Variants in PLCL1 observed in about 807,000 individuals in gnomAD.
PLCL1 encodes inactive phospholipase C-like protein 1.
Under a neutral mutation model 84.4 loss-of-function variants are expected in PLCL1, and 41 were observed. That is an observed-to-expected ratio of 0.49 (90% CI 0.38 to 0.63). The LOEUF is 0.63. Ranked by LOEUF, PLCL1 falls within the 30% of genes least tolerant of loss-of-function variation. The pLI, the probability that PLCL1 is intolerant of heterozygous loss-of-function variation, is 0.00. For synonymous variants in PLCL1, 490 were observed against 488.3 expected, an observed-to-expected ratio of 1.00 and a Z score of -0.05; for missense variants, 1,206 against 1,367.8, an observed-to-expected ratio of 0.88 and a Z score of 1.87.
intron 1 of PLCL1, among the ~76,000 whole-genome samples, chr2:197,965,407 T>C (rs1235554453): frequency 2.0e-5 from 3 of 152,244 alleles, no homozygotes; most frequent in African/African-American, 7.2e-5. Flanking sequence ...GGTTGTCATA[T>C]CTCCTTTAAC....
Position 197,943,197 on chromosome 2 carries a change from A to AC in PLCL1, c.240+137858_240+137859insC, listed in dbSNP as rs1491553811. Among the ~76,000 whole-genome samples, 5 of 21,718 alleles carry AC rather than the reference A, an allele frequency of 2.3e-4. No homozygotes were observed. The South Asian group carries it at 3.7e-3, about 16-fold the overall frequency. 14.2% of individuals were successfully genotyped at this position (21,718 alleles called of 152,430 possible). A position where few individuals can be genotyped will look rare whatever the true frequency, so the allele number is the denominator to read the frequency against. ...GAGTGACAGAGTGAGACCCTCTCTC[A>AC]AAAAAAAAAAAAAAAAAAAAATCAG... On this transcript the variant is annotated intron_variant, in intron 1 of 5. Transcript: ENST00000428675.
At chr2:198,058,696 A>C (rs1019629789) in intron 1 of PLCL1, among the ~76,000 whole-genome samples, 6 of 152,064 alleles carry the variant, frequency 3.9e-5, no homozygotes, top group African/African-American at 1.2e-4. Flanking sequence ...TCTAAAAGAT[A>C]GCTGTTTTAC....
At chr2:198,102,962 C>G (rs1261221379) in intron 4 of PLCL1, among the ~76,000 whole-genome samples, 1 of 151,972 alleles carries the variant, frequency 6.6e-6, no homozygotes, top group Non-Finnish European at 1.5e-5. Flanking sequence ...TCTTCAAGCT[C>G]GAGCAGATGG....
At chr2:197,814,076 A>G (rs574313855) in intron 1 of PLCL1, among the ~76,000 whole-genome samples, 2 of 152,330 alleles carry the variant, frequency 1.3e-5, no homozygotes, top group African/African-American at 4.8e-5. Context: ...TTAATATTGC[A>G]TTCCATTTTC....
chr2:197,872,934 GATC>G (rs1212492823), intron 1 of PLCL1, among the ~76,000 whole-genome samples: 1 of 152,012 alleles, frequency 6.6e-6, no homozygotes, highest in African/African-American at 2.4e-5. Flanking sequence ...GATCTTATTT[GATC>G]ATCATGGCAT....
rs548635843 is a variant in PLCL1, at chr2:197,897,098, C to A, written c.240+91759C>A. ...TACCTTTGGGGATAGAAGTATGACTCCTTCTTCTTCTTCTTCTTCTTCTTC... is the reference window on the plus strand; with the variant it reads ...TACCTTTGGGGATAGAAGTATGACTACTTCTTCTTCTTCTTCTTCTTCTTC... On this transcript the variant is annotated intron_variant, in intron 1 of 5. Coordinates refer to ENST00000428675, the MANE Select transcript of PLCL1 (RefSeq NM_006226.4). Among the ~76,000 whole-genome samples the A allele has an allele frequency of 9.3e-5, 11 of 117,878 alleles. No homozygotes were observed. In the South Asian group the frequency reaches 2.1e-3, roughly 23 times the overall value. The allele number at this position is 117,878 out of a possible 152,430, so 77.3% of individuals were successfully genotyped here.
At chr2:197,965,256 C>T (rs1473566387) in intron 1 of PLCL1, among the ~76,000 whole-genome samples, 4 of 152,046 alleles carry the variant, frequency 2.6e-5, no homozygotes, top group Non-Finnish European at 5.9e-5. Context: ...CTAATCTCTT[C>T]AGGGTTTGGA....
At chr2:198,039,493 G>A (rs1352556004) in intron 1 of PLCL1, among the ~76,000 whole-genome samples, 1 of 152,044 alleles carries the variant, frequency 6.6e-6, no homozygotes, top group African/African-American at 2.4e-5. Flanking sequence ...CTGTCTCTTG[G>A]TATACCCATG....
At chr2:198,058,168 A>G (rs1692110504) in intron 1 of PLCL1, among the ~76,000 whole-genome samples, 1 of 152,114 alleles carries the variant, frequency 6.6e-6, no homozygotes, top group African/African-American at 2.4e-5. Flanking sequence ...CTGGAAAGAT[A>G]TTTGCCAAAA....
intron 1 of PLCL1, among the ~76,000 whole-genome samples, chr2:198,055,562 A>G (rs1172721747): frequency 6.8e-6 from 1 of 148,142 alleles, no homozygotes; most frequent in Non-Finnish European, 1.5e-5. Flanking sequence ...GTTTAGTTGG[A>G]GAAAACCGTT....
At chr2:198,137,032 T>C (rs1010441182) in intron 5 of PLCL1, among the ~76,000 whole-genome samples, 4 of 152,212 alleles carry the variant, frequency 2.6e-5, no homozygotes, top group Non-Finnish European at 5.9e-5. Flanking sequence ...TATCAAGAAA[T>C]TCTTTTATAA....
chr2:198,118,854 AAGTTTTG>A (rs1693804917), intron 5 of PLCL1, among the ~76,000 whole-genome samples: 1 of 152,012 alleles, frequency 6.6e-6, no homozygotes, highest in South Asian at 2.1e-4. Flanking sequence ...GTTCTCCATG[AAGTTTTG>A]AGTGCCTTTA....
intron 1 of PLCL1, among the ~76,000 whole-genome samples, chr2:198,075,965 T>C (rs1692568384): frequency 6.6e-6 from 1 of 152,230 alleles, no homozygotes; most frequent in Non-Finnish European, 1.5e-5. Context: ...ATTGGATGTG[T>C]ATAATAAGAA....
At chr2:198,108,332 C>G (rs1268337923) in intron 5 of PLCL1, among the ~76,000 whole-genome samples, 1 of 151,802 alleles carries the variant, frequency 6.6e-6, no homozygotes, top group Non-Finnish European at 1.5e-5. Flanking sequence ...GACTAGTATT[C>G]CCTACTATCT....
At chr2:197,961,441 A>G (rs1689620377) in intron 1 of PLCL1, among the ~76,000 whole-genome samples, 1 of 151,946 alleles carries the variant, frequency 6.6e-6, no homozygotes, top group Non-Finnish European at 1.5e-5. Context: ...TTTTGAATAG[A>G]TTTATAGCTT....
chr2:198,003,032 A>G (rs1690642595), intron 1 of PLCL1, among the ~76,000 whole-genome samples: 1 of 152,110 alleles, frequency 6.6e-6, no homozygotes, highest in African/African-American at 2.4e-5. Flanking sequence ...ATTGGTCCCT[A>G]AGGAGTAGAT....
intron 1 of PLCL1, among the ~76,000 whole-genome samples, chr2:197,955,771 C>CT (rs942137192): frequency 2.8e-4 from 42 of 151,428 alleles, no homozygotes; most frequent in African/African-American, 1.0e-3. Context: ...ACCACATTTT[C>CT]TTTTTTTTCC....
chr2:198,079,279 T>C (rs1265410104), intron 1 of PLCL1, among the ~76,000 whole-genome samples: 1 of 151,418 alleles, frequency 6.6e-6, no homozygotes, highest in African/African-American at 2.4e-5. Context: ...AATATTTTAA[T>C]ACAATTATTA....
At chr2:198,111,641 C>A (rs1693624918) in intron 5 of PLCL1, among the ~76,000 whole-genome samples, 1 of 151,728 alleles carries the variant, frequency 6.6e-6, no homozygotes, top group Non-Finnish European at 1.5e-5. Flanking sequence ...TTAAGGATAA[C>A]CCTGTAAATT....
Sources: allele counts gnomAD v4.1 joint callset (sites outside exome capture counted in the v4.1 genomes callset), GRCh38; gene constraint gnomAD v4.1.1; transcripts MANE v1.5; gene names NCBI Gene and HGNC (gene_info 2026-07-23, HGNC 2026-07-21).